The following SLC14A2 variants were observed in gnomAD, a reference collection of about 807,000 sequenced individuals.
SLC14A2 encodes the protein urea transporter 2.
SLC14A2 carries 91 observed loss-of-function variants against 104.6 expected under a neutral mutation model. That is an observed-to-expected ratio of 0.87 (90% CI 0.73 to 1.04). The LOEUF is 1.04. Among genes scored for constraint, SLC14A2 ranks in the 50% least tolerant of loss-of-function variants. The pLI is 0.00. For missense variants in SLC14A2, 1,189 were observed against 1,156.0 expected, an observed-to-expected ratio of 1.03 and a Z score of -0.41; for synonymous variants, 476 against 466.4, an observed-to-expected ratio of 1.02 and a Z score of -0.27.
At chr18:45,657,193 C>T (rs1415190758) in intron 10 of SLC14A2, among the ~76,000 whole-genome samples, 1 of 152,130 alleles carries the variant, frequency 6.6e-6, no homozygotes, top group Non-Finnish European at 1.5e-5. Flanking sequence ...TTGACTAGGC[C>T]GGGCACAGTG....
intron 2 of SLC14A2, among the ~76,000 whole-genome samples, chr18:45,570,289 C>A (rs921493254): frequency 6.6e-5 from 10 of 152,270 alleles, no homozygotes; most frequent in Non-Finnish European, 1.0e-4. Context: ...CTGATACGTT[C>A]TTTAAGACCC....
At chr18:45,431,916 A>AGGGTTC (rs2086521983) in intron 1 of SLC14A2, among the ~76,000 whole-genome samples, 1 of 152,126 alleles carries the variant, frequency 6.6e-6, no homozygotes, top group South Asian at 2.1e-4. Context: ...TGGCCTTTGG[A>AGGGTTC]GGGTTCTTGT....
At position 45,246,150 on chromosome 18, in the gene SLC14A2, A is replaced by T. The variant is rs541222816; in HGVS notation, c.-125+32959A>T. On this transcript the variant is annotated intron_variant, in intron 1 of 20. Coordinates refer to the SLC14A2 transcript ENST00000586448. ...CTAATCTAGTAGGACTTGTATCCTT[A>T]CAAAAAGAGGAAGAGACACCAGGAA... is the stretch of plus-strand genomic sequence containing the variant. Among the ~76,000 whole-genome samples the T allele has an allele frequency of 2.6e-5, 4 of 152,302 alleles. No homozygotes were observed. The East Asian group carries it at 7.7e-4, about 29-fold the overall frequency.
chr18:45,653,538 C>T (rs966416769), intron 10 of SLC14A2, among the ~76,000 whole-genome samples: 3 of 152,128 alleles, frequency 2.0e-5, no homozygotes, highest in African/African-American at 7.2e-5. Flanking sequence ...CAAAGCCAAA[C>T]AAAACATGTT....
the SLC14A2 span, among the ~76,000 whole-genome samples, chr18:45,184,319 T>C: frequency 1.3e-5 from 2 of 152,214 alleles, no homozygotes; most frequent in African/African-American, 4.8e-5. Context: ...TTACCACAGG[T>C]GACCACTAAT....
chr18:45,176,697 T>C, the SLC14A2 span, among the ~76,000 whole-genome samples: 1 of 152,192 alleles, frequency 6.6e-6, no homozygotes, highest in African/African-American at 2.4e-5. Flanking sequence ...CCTCTCCTGA[T>C]TTTCTCTCTG....
At chr18:45,314,217 A>T (rs1385777851) in intron 1 of SLC14A2, among the ~76,000 whole-genome samples, 4 of 152,248 alleles carry the variant, frequency 2.6e-5, no homozygotes, top group Non-Finnish European at 4.4e-5. Flanking sequence ...TTAGGGAAAC[A>T]ATATCAATCT....
chr18:45,440,691 T>C (rs764763562), intron 1 of SLC14A2, among the ~76,000 whole-genome samples: 5 of 152,274 alleles, frequency 3.3e-5, no homozygotes, highest in Non-Finnish European at 7.4e-5. Flanking sequence ...AAAACTGATC[T>C]CTCTCAAAGC....
intron 1 of SLC14A2, among the ~76,000 whole-genome samples, chr18:45,475,302 A>G (rs967357209): frequency 1.3e-5 from 2 of 151,988 alleles, no homozygotes; most frequent in African/African-American, 2.4e-5. Context: ...TATGTGGTCA[A>G]TTTTAGAATA....
At position 45,606,742 on chromosome 18, in the gene SLC14A2, AAAAAACAAAACAAAAAC is replaced by A. The variant is rs1385637216; in HGVS notation, c.-34-17883_-34-17867del. ...AACTGACAAAGTCTAATTAAAAAAAAAAAAACAAAACAAAAACAAAAAAAAAAAACACTGGCTGCAAG... is the reference window on the plus strand; with the variant it reads ...AACTGACAAAGTCTAATTAAAAAAAAAAAAAAAAAAAACACTGGCTGCAAG... On this transcript the variant is annotated intron_variant, in intron 2 of 20. Transcript: ENST00000586448. Among the ~76,000 whole-genome samples, 86 of 68,400 alleles carry A rather than the reference AAAAAACAAAACAAAAAC, an allele frequency of 1.3e-3. 4 individuals carry two copies. Among genetic ancestry groups the A allele is most frequent in the South Asian group, 0.01 (17 of 1,656 alleles). The allele number at this position is 68,400 out of a possible 152,430, so 44.9% of individuals were successfully genotyped here.
intron 1 of SLC14A2, among the ~76,000 whole-genome samples, chr18:45,478,653 C>T (rs935046460): frequency 3.9e-5 from 6 of 152,106 alleles, no homozygotes; most frequent in East Asian, 3.9e-4. Context: ...AAAAGGAAGG[C>T]GTGAAGAGCC....
intron 1 of SLC14A2, among the ~76,000 whole-genome samples, chr18:45,289,210 A>G (rs2084845384): frequency 2.6e-5 from 4 of 151,916 alleles, no homozygotes; most frequent in African/African-American, 7.3e-5. Context: ...TTTATTGCTT[A>G]TTTTCTTATC....
chr18:45,196,583 C>T, the SLC14A2 span, among the ~76,000 whole-genome samples: 1 of 152,318 alleles, frequency 6.6e-6, no homozygotes, highest in African/African-American at 2.4e-5. Flanking sequence ...TTAAAACAGA[C>T]AGCTGCCTTT....
At chr18:45,663,664 G>A in intron 10 of SLC14A2, 121 bp from the exon 11 acceptor site, 1 of 1,086,044 alleles carries the variant, frequency 9.2e-7, no homozygotes. Context: ...GACTACTCCA[G>A]CTTCAGGCTT....
At chr18:45,364,306 A>G (rs2085645190) in intron 1 of SLC14A2, among the ~76,000 whole-genome samples, 1 of 152,262 alleles carries the variant, frequency 6.6e-6, no homozygotes, top group South Asian at 2.1e-4. Context: ...AAAAATGACT[A>G]GCCCAAGCTA....
chr18:45,170,057 G>C, the SLC14A2 span, among the ~76,000 whole-genome samples: 3 of 152,220 alleles, frequency 2.0e-5, no homozygotes, highest in Non-Finnish European at 4.4e-5. Context: ...GAAAGAGATG[G>C]TATGGTAGCT....
chr18:45,410,335 A>G (rs772790158), intron 1 of SLC14A2, among the ~76,000 whole-genome samples: 9 of 152,184 alleles, frequency 5.9e-5, no homozygotes, highest in Non-Finnish European at 1.2e-4. Flanking sequence ...TACTTTAAGC[A>G]AACTTCATAA....
chr18:45,447,815 C>A (rs1332922388), intron 1 of SLC14A2, among the ~76,000 whole-genome samples: 1 of 152,128 alleles, frequency 6.6e-6, no homozygotes, highest in African/African-American at 2.4e-5. Context: ...AGATTAAAGC[C>A]TGAATTTTCT....
At chr18:45,300,214 G>A (rs1266091834) in intron 1 of SLC14A2, among the ~76,000 whole-genome samples, 1 of 152,152 alleles carries the variant, frequency 6.6e-6, no homozygotes, top group Non-Finnish European at 1.5e-5. Context: ...AGCCCTCTCT[G>A]AGGGGCTGCA....
Sources: gnomAD v4.1 joint callset for allele counts (sites outside exome capture counted in the v4.1 genomes callset) on GRCh38, gnomAD v4.1.1 for gene constraint, MANE v1.5 for transcripts, NCBI Gene and HGNC (gene_info 2026-07-23, HGNC 2026-07-21) for gene names.